Variants in GTF3C1 observed in about 807,000 individuals in gnomAD.
GTF3C1 encodes general transcription factor 3C polypeptide 1.
Under a neutral mutation model 226.7 loss-of-function variants are expected in GTF3C1, and 57 were observed. The observed-to-expected ratio is 0.25, with a 90% confidence interval of 0.20 to 0.31. The LOEUF is 0.31. GTF3C1 is among the 10% of genes least tolerant of loss of function. The probability of loss-of-function intolerance (pLI) is 1.00; values close to 1 mark genes in which losing one functional copy is unlikely to be tolerated. For synonymous variants in GTF3C1, 1,090 were observed against 1,084.8 expected (o/e 1.00, Z -0.09); for missense variants, 2,217 against 2,776.1 (o/e 0.80, Z 4.53).
intron 11 of GTF3C1, 65 bp from the exon 12 acceptor site, chr16:27,501,409 G>A: frequency 6.9e-7 from 1 of 1,454,298 alleles, no homozygotes; most frequent in Non-Finnish European, 9.6e-7. Flanking sequence ...CCTCAACCCA[G>A]GCAACACAGA....
rs377341431 is a variant in GTF3C1, at chr16:27,511,778, C to A, written c.1097G>T (p.Arg366Leu). Residue 366 changes from arginine (R) to leucine (L), a missense_variant, in exon 7 of 37, where the codon CGG becomes CTG. Transcript: ENST00000356183. ...GTCGTAGGTCTGTGTGAGCATATCC[C>A]GCTCGAACACAATGTCCACTGGAGG... ...TVPPVDIVFE[R>L]DMLTQTYDLI... The A allele has an allele frequency of 3.7e-6, 6 of 1,614,158 alleles. No homozygotes were observed. Among genetic ancestry groups the A allele is most frequent in the Non-Finnish European group, 5.1e-6 (6 of 1,180,020 alleles).
intron 9 of GTF3C1, 48 bp downstream of exon 9, chr16:27,506,799 C>G: frequency 7.2e-7 from 1 of 1,388,560 alleles, no homozygotes; most frequent in Non-Finnish European, 9.8e-7. Context: ...TTGCAGGTGC[C>G]CAGCAGTGCA....
At chr16:27,490,292 T>C (rs1235879352) in intron 19 of GTF3C1, among the ~76,000 whole-genome samples, 1 of 152,264 alleles carries the variant, frequency 6.6e-6, no homozygotes, top group East Asian at 1.9e-4. Context: ...TATCCAGTTA[T>C]TCTGTAATAC....
intron 9 of GTF3C1, 62 bp downstream of exon 9, chr16:27,506,785 T>C: frequency 2.3e-6 from 3 of 1,282,180 alleles, no homozygotes; most frequent in Non-Finnish European, 3.2e-6. Flanking sequence ...TGAAGGGGTG[T>C]TTCTTGCAGG....
intron 25 of GTF3C1, chr16:27,483,557 TAAG>T (rs1484369975): frequency 3.2e-5 from 14 of 443,424 alleles, no homozygotes; most frequent in South Asian, 9.5e-5. Context: ...CTCCATGATA[TAAG>T]GAGAGCCTGA....
chr16:27,489,118 C>T lies in GTF3C1; in HGVS notation c.3354G>A (p.Gly1118=). Residue 1118 remains glycine, a synonymous_variant, in exon 21 of 37, where the codon GGG becomes GGA. Transcript: ENST00000356183. The part of the protein sequence containing the change: ...LIPGDGLGAA[G]LDSSFYGHLK... Reference sequence around the variant, plus strand: ...GGTGTCCGTAGAAGCTGGAATCGAGCCCTGCGGCACCCAGCCCATCTCCAG... The same window carrying T: ...GGTGTCCGTAGAAGCTGGAATCGAGTCCTGCGGCACCCAGCCCATCTCCAG... 1.2e-6 allele frequency: 2 copies of T among 1,613,972 alleles called. No individual in the cohort carries two copies. Among genetic ancestry groups the T allele is most frequent in the Non-Finnish European group, 1.7e-6 (2 of 1,179,858 alleles).
intron 2 of GTF3C1, among the ~76,000 whole-genome samples, chr16:27,542,332 A>G (rs1357714250): frequency 6.6e-6 from 1 of 152,190 alleles, no homozygotes; most frequent in Non-Finnish European, 1.5e-5. Context: ...AGGCCAAGGT[A>G]GGCAGATCAC....
chr16:27,533,135 AAAG>A (rs1490804127), intron 5 of GTF3C1, among the ~76,000 whole-genome samples, 153 bp downstream of exon 5: 1 of 152,310 alleles, frequency 6.6e-6, no homozygotes, highest in East Asian at 1.9e-4. Context: ...CTGTCTCAAA[AAAG>A]AAAAGAAAAA....
At chr16:27,472,174 A>G (rs764763989) in intron 29 of GTF3C1, among the ~76,000 whole-genome samples, 6 of 152,122 alleles carry the variant, frequency 3.9e-5, no homozygotes, top group Non-Finnish European at 7.4e-5. Context: ...AAGGACAGGG[A>G]ACTGACGAGA....
chr16:27,510,123 C>A (rs1051192404), intron 7 of GTF3C1, among the ~76,000 whole-genome samples: 1 of 152,150 alleles, frequency 6.6e-6, no homozygotes, highest in Non-Finnish European at 1.5e-5. Flanking sequence ...CTGTGGCTCA[C>A]GCCTGTAATC....
intron 17 of GTF3C1, 77 bp downstream of exon 17, chr16:27,493,122 T>C: frequency 1.3e-6 from 1 of 783,878 alleles, no homozygotes; most frequent in East Asian, 2.5e-5. Flanking sequence ...CTCTTCCTGG[T>C]GAATGATGGC....
intron 21 of GTF3C1, 70 bp from the exon 22 acceptor site, chr16:27,488,705 A>C: frequency 1.5e-6 from 2 of 1,298,190 alleles, no homozygotes; most frequent in Non-Finnish European, 2.2e-6. Context: ...AGAGTAACAA[A>C]TGCACCGAGG....
intron 6 of GTF3C1, among the ~76,000 whole-genome samples, chr16:27,523,274 T>C (rs1354197473): frequency 1.3e-5 from 2 of 152,206 alleles, no homozygotes; most frequent in Non-Finnish European, 2.9e-5. Flanking sequence ...CTGTTTACAT[T>C]ACCAAAGTTT....
At chr16:27,501,852 C>T (rs2088409368) in intron 11 of GTF3C1, among the ~76,000 whole-genome samples, 1 of 152,106 alleles carries the variant, frequency 6.6e-6, no homozygotes, top group African/African-American at 2.4e-5. Context: ...CCTATAATAC[C>T]AGCACTTTGG....
At chr16:27,500,035 C>T (rs117971912) in intron 12 of GTF3C1, among the ~76,000 whole-genome samples, 124 of 152,346 alleles carry the variant, frequency 8.1e-4, no homozygotes, top group Non-Finnish European at 1.4e-3. Flanking sequence ...CATGCTTACC[C>T]GCTGCCCCCA....
intron 21 of GTF3C1, 47 bp from the exon 22 acceptor site, chr16:27,488,682 TC>T: frequency 6.8e-7 from 1 of 1,471,022 alleles, no homozygotes; most frequent in Non-Finnish European, 9.5e-7. Context: ...CTTCCACAAA[TC>T]CCCAGCCGCC....
intron 2 of GTF3C1, among the ~76,000 whole-genome samples, chr16:27,540,865 A>G (rs2089071066): frequency 6.6e-6 from 1 of 151,672 alleles, no homozygotes; most frequent in Admixed American, 6.6e-5. Flanking sequence ...TTTTTTTGAG[A>G]CAAAGTTTCC....
At chr16:27,516,319 T>C (rs2088657792) in intron 6 of GTF3C1, among the ~76,000 whole-genome samples, 1 of 152,220 alleles carries the variant, frequency 6.6e-6, no homozygotes, top group South Asian at 2.1e-4. Context: ...ATAGGCATCA[T>C]CAGCCCCAGG....
At chr16:27,513,443 G>C (rs2088607379) in intron 6 of GTF3C1, among the ~76,000 whole-genome samples, 1 of 152,172 alleles carries the variant, frequency 6.6e-6, no homozygotes, top group South Asian at 2.1e-4. Context: ...GACAGAGTGA[G>C]ACCCTGTCTC....
Sources: gnomAD v4.1 joint callset for allele counts (sites outside exome capture counted in the v4.1 genomes callset) on GRCh38, gnomAD v4.1.1 for gene constraint, MANE v1.5 for transcripts, NCBI Gene and HGNC (gene_info 2026-07-23, HGNC 2026-07-21) for gene names.